DCDC2: variants seen among roughly 807,000 people sequenced by gnomAD.
DCDC2 encodes the protein doublecortin domain containing 2.
A neutral mutation model predicts 50.2 loss-of-function variants in DCDC2; 40 were observed. The ratio of observed to expected loss-of-function variants is 0.80; its 90% CI spans 0.62 to 1.04. DCDC2 has a LOEUF of 1.04. Ranked by LOEUF, DCDC2 falls within the 50% of genes least tolerant of loss-of-function variation. The pLI is 0.00. For synonymous variants in DCDC2, 234 were observed against 210.6 expected, an observed-to-expected ratio of 1.11 and a Z score of -0.96; for missense variants, 570 against 581.9, an observed-to-expected ratio of 0.98 and a Z score of 0.21.
chr6:24,234,924 T>C (rs192388680), intron 7 of DCDC2, among the ~76,000 whole-genome samples: 31 of 152,194 alleles, frequency 2.0e-4, no homozygotes, highest in African/African-American at 6.7e-4. Flanking sequence ...TATGGGAGGA[T>C]AGAAATGATA....
intron 7 of DCDC2, among the ~76,000 whole-genome samples, chr6:24,229,965 C>CT (rs1432288195): frequency 6.6e-6 from 1 of 152,164 alleles, no homozygotes; most frequent in Non-Finnish European, 1.5e-5. Context: ...CCAGCCTGCT[C>CT]TTGGCCACAC....
At chr6:24,195,871 G>A (rs774470875) in intron 8 of DCDC2, among the ~76,000 whole-genome samples, 1 of 152,178 alleles carries the variant, frequency 6.6e-6, no homozygotes, top group Non-Finnish European at 1.5e-5. Context: ...CACAAGATGG[G>A]CAGAATCACA....
intron 2 of DCDC2, among the ~76,000 whole-genome samples, chr6:24,349,488 T>TA (rs1561784053): frequency 6.6e-6 from 1 of 152,042 alleles, no homozygotes; most frequent in East Asian, 1.9e-4. Context: ...TAAGTGCTGG[T>TA]AAAGGCATCA....
intron 2 of DCDC2, among the ~76,000 whole-genome samples, chr6:24,346,553 C>A (rs1436925893): frequency 6.6e-6 from 1 of 151,950 alleles, no homozygotes; most frequent in Non-Finnish European, 1.5e-5. Flanking sequence ...GTCAGGAGTT[C>A]GAGACCAGCC....
At chr6:24,217,354 C>T (rs1234906893) in intron 7 of DCDC2, among the ~76,000 whole-genome samples, 3 of 152,058 alleles carry the variant, frequency 2.0e-5, no homozygotes, top group South Asian at 2.1e-4. Context: ...CAATTATTAC[C>T]GAGTAACATC....
chr6:24,343,171 C>T (rs1188858166), intron 2 of DCDC2, among the ~76,000 whole-genome samples: 3 of 151,922 alleles, frequency 2.0e-5, no homozygotes, highest in South Asian at 2.1e-4. Context: ...CCTCAGCCTC[C>T]GGCGTGGCAG....
chr6:24,381,889 AAAAG>A, the DCDC2 span, among the ~76,000 whole-genome samples: 17 of 148,782 alleles, frequency 1.1e-4, no homozygotes, highest in South Asian at 8.6e-4. Context: ...AGATAAAGAA[AAAAG>A]AAAGAAAGAA....
chr6:24,344,473 T>G (rs1350761955), intron 2 of DCDC2, among the ~76,000 whole-genome samples: 2 of 152,256 alleles, frequency 1.3e-5, no homozygotes, highest in African/African-American at 4.8e-5. Context: ...GCATATCTGC[T>G]AATTTCACAG....
intron 8 of DCDC2, among the ~76,000 whole-genome samples, chr6:24,202,414 CT>C (rs1761609267): frequency 6.6e-6 from 1 of 152,046 alleles, no homozygotes; most frequent in East Asian, 1.9e-4. Flanking sequence ...CAGAAAAGGC[CT>C]TTGATAAAAT....
At chr6:24,298,042 T>C (rs1408942386) in intron 4 of DCDC2, among the ~76,000 whole-genome samples, 1 of 152,252 alleles carries the variant, frequency 6.6e-6, no homozygotes, top group African/African-American at 2.4e-5. Flanking sequence ...GAACTGGTTT[T>C]GCGGAAGATA....
chr6:24,209,228 T>C (rs1465170166), intron 7 of DCDC2, among the ~76,000 whole-genome samples: 2 of 152,224 alleles, frequency 1.3e-5, no homozygotes, highest in African/African-American at 4.8e-5. Flanking sequence ...TCCAAAAGTA[T>C]TACCCTTTTT....
chr6:24,370,025 C>G, the DCDC2 span, among the ~76,000 whole-genome samples: 1 of 151,606 alleles, frequency 6.6e-6, no homozygotes, highest in East Asian at 1.9e-4. Context: ...GCCTGAGTGG[C>G]AGAGCAAGAC....
At chr6:24,284,806 G>C (rs985707722) in intron 6 of DCDC2, among the ~76,000 whole-genome samples, 1 of 151,990 alleles carries the variant, frequency 6.6e-6, no homozygotes, top group African/African-American at 2.4e-5. Flanking sequence ...GCAAGGGCCT[G>C]TGTGACTTTG....
chr6:24,191,530 C>T (rs1431667383), intron 8 of DCDC2, among the ~76,000 whole-genome samples: 1 of 152,166 alleles, frequency 6.6e-6, no homozygotes, highest in Non-Finnish European at 1.5e-5. Context: ...GGGAGTGCTA[C>T]AGCCTGTGGA....
intron 7 of DCDC2, among the ~76,000 whole-genome samples, chr6:24,261,031 G>A (rs1340700): frequency 0.055 from 8,433 of 152,154 alleles, 508 homozygotes; most frequent in African/African-American, 0.16. Flanking sequence ...TCTGACATGG[G>A]AACTGTCTAT....
intron 8 of DCDC2, among the ~76,000 whole-genome samples, chr6:24,198,644 G>T (rs1225834953): frequency 6.6e-6 from 1 of 151,974 alleles, no homozygotes; most frequent in Non-Finnish European, 1.5e-5. Context: ...TGCCTGGAAT[G>T]CCAGTGAGAA....
intron 7 of DCDC2, among the ~76,000 whole-genome samples, chr6:24,231,362 C>T (rs570796607): frequency 2.0e-5 from 3 of 152,296 alleles, no homozygotes; most frequent in African/African-American, 4.8e-5. Context: ...TTCTGAGACC[C>T]AGGCCAGGAG....
At chr6:24,286,042 A>G (rs1763602200) in intron 6 of DCDC2, among the ~76,000 whole-genome samples, 1 of 152,222 alleles carries the variant, frequency 6.6e-6, no homozygotes, top group Non-Finnish European at 1.5e-5. Flanking sequence ...ATTTAGCTTT[A>G]TAGTTGCTCT....
rs1025213555 is a variant in DCDC2 at position 24,174,678 on chromosome 6, T to G, written c.*52A>C. 1 of 1,261,596 alleles carries G rather than the reference T, an allele frequency of 7.9e-7. No homozygotes were observed. The allele number at this position is 1,261,596 out of a possible 1,614,324, so 78.2% of individuals were successfully genotyped here. A position where few individuals can be genotyped will look rare whatever the true frequency, so the allele number is the denominator to read the frequency against. On this transcript the variant is annotated 3_prime_UTR_variant, in exon 10 of 10. Transcript: ENST00000378454. Reference sequence around the variant, plus strand: ...TAACTATGTGCTTATCTTTCAAGTATGATAACCCTTCATTTTTCTTGCGAT... The same window carrying G: ...TAACTATGTGCTTATCTTTCAAGTAGGATAACCCTTCATTTTTCTTGCGAT...
Sources: allele counts gnomAD v4.1 joint callset (sites outside exome capture counted in the v4.1 genomes callset), GRCh38; gene constraint gnomAD v4.1.1; transcripts MANE v1.5; gene names NCBI Gene and HGNC (gene_info 2026-07-23, HGNC 2026-07-21).